The following MAP3K1 variants were observed in gnomAD, a reference collection of about 807,000 sequenced individuals.
MAP3K1 encodes mitogen-activated protein kinase kinase kinase 1, also known as MAP/ERK kinase kinase 1.
Under a neutral mutation model 144.2 loss-of-function variants are expected in MAP3K1, and 36 were observed. That is an observed-to-expected ratio of 0.25 (90% CI 0.19 to 0.33). The LOEUF (loss-of-function observed/expected upper bound fraction) is 0.33, where lower values mean the gene tolerates loss of function less well. Ranked by LOEUF, MAP3K1 falls within the 10% of genes least tolerant of loss-of-function variation. The probability of loss-of-function intolerance (pLI) is 1.00; values close to 1 mark genes in which losing one functional copy is unlikely to be tolerated. For synonymous variants in MAP3K1, 718 were observed against 688.7 expected (o/e 1.04, Z -0.67); for missense variants, 1,650 against 1,881.9 (o/e 0.88, Z 2.28).
chr5:56,859,359 C>T (rs1747433871), intron 2 of MAP3K1, among the ~76,000 whole-genome samples: 1 of 151,988 alleles, frequency 6.6e-6, no homozygotes, highest in African/African-American at 2.4e-5. Context: ...GTTATGAGTG[C>T]TTATTTTTCA....
chr5:56,828,026 A>G lies in MAP3K1; in HGVS notation c.482+11971A>G, dbSNP rs189524308. 4.1e-4 allele frequency among the ~76,000 whole-genome samples: 63 copies of G among 151,990 alleles called. No individual in the cohort carries two copies. The East Asian group carries it at 0.01, about 25-fold the overall frequency. ...TCCAGAAAAGTATTCAGTTAATACT[A>G]ACTGTAGATAATACTCTTGCAAGTA... On this transcript the variant is annotated intron_variant, in intron 1 of 19. Coordinates refer to ENST00000399503, the MANE Select transcript of MAP3K1 (RefSeq NM_005921.2).
chr5:56,880,639 C>T, intron 11 of MAP3K1, 72 bp from the exon 12 acceptor site: 2 of 989,018 alleles, frequency 2.0e-6, no homozygotes, highest in Admixed American at 1.7e-5. Flanking sequence ...CAAGGCATTA[C>T]ATTACTCCTC....
At chr5:56,892,832 T>A (rs1182989790) in intron 19 of MAP3K1, among the ~76,000 whole-genome samples, 1 of 152,156 alleles carries the variant, frequency 6.6e-6, no homozygotes, top group Non-Finnish European at 1.5e-5. Flanking sequence ...ATACTTTTTT[T>A]TATATATGAC....
intron 19 of MAP3K1, among the ~76,000 whole-genome samples, chr5:56,892,975 T>A (rs36159054): frequency 0.02 from 555 of 28,186 alleles, no homozygotes; most frequent in African/African-American, 0.035. Context: ...TTCTTTTTTT[T>A]TAAAAAAAAA....
intron 14 of MAP3K1, among the ~76,000 whole-genome samples, chr5:56,883,194 G>A (rs775871400): frequency 1.4e-4 from 22 of 152,170 alleles, no homozygotes; most frequent in Admixed American, 8.5e-4. Context: ...CTGTCTCACA[G>A]AGAGCTTCCT....
intron 3 of MAP3K1, 132 bp downstream of exon 3, chr5:56,860,047 G>C: frequency 2.4e-6 from 2 of 828,462 alleles, no homozygotes; most frequent in Admixed American, 2.2e-5. Context: ...TGAGGATGGG[G>C]GGGGTGGTTC....
At chr5:56,879,809 TC>T (rs1224620961) in intron 11 of MAP3K1, among the ~76,000 whole-genome samples, 1 of 152,202 alleles carries the variant, frequency 6.6e-6, no homozygotes, top group Non-Finnish European at 1.5e-5. Flanking sequence ...ATTTGGTAGT[TC>T]CTATTTCTTT....
At chr5:56,825,793 T>C (rs980207347) in intron 1 of MAP3K1, among the ~76,000 whole-genome samples, 98 of 152,168 alleles carry the variant, frequency 6.4e-4, no homozygotes, top group African/African-American at 2.1e-3. Context: ...GTCAGGCCAC[T>C]GTCAACCCAC....
intron 1 of MAP3K1, among the ~76,000 whole-genome samples, chr5:56,837,107 C>G (rs994769737): frequency 2.0e-5 from 3 of 150,952 alleles, no homozygotes; most frequent in African/African-American, 7.3e-5. Context: ...CCAGCACTGC[C>G]CCCCAGACAT....
At chr5:56,890,653 A>T (rs182639174) in intron 19 of MAP3K1, among the ~76,000 whole-genome samples, 117 of 152,290 alleles carry the variant, frequency 7.7e-4, no homozygotes, top group Non-Finnish European at 2.6e-4. Flanking sequence ...AAAGTAATTA[A>T]ATTATCCACA....
intron 2 of MAP3K1, among the ~76,000 whole-genome samples, chr5:56,858,206 G>A (rs1275676560): frequency 1.3e-5 from 2 of 152,190 alleles, no homozygotes; most frequent in African/African-American, 4.8e-5. Context: ...TGAATGTGCT[G>A]CTTTCTGAGC....
chr5:56,815,953 C>A lies in MAP3K1; in HGVS notation c.380C>A (p.Ser127Ter). The A allele has an allele frequency of 1.6e-6, 2 of 1,258,350 alleles. No individual in the cohort carries two copies. The highest frequency in any genetic ancestry group is 5.8e-5 in the South Asian group (2 of 34,526). The allele number at this position is 1,258,350 out of a possible 1,614,324, so 77.9% of individuals were successfully genotyped here. A position where few individuals can be genotyped will look rare whatever the true frequency, so the allele number is the denominator to read the frequency against. Residue 127 changes from serine (S) to a stop codon, truncating the protein, a stop_gained, in exon 1 of 20, where the codon TCG becomes TAG. Coordinates refer to ENST00000399503, the MANE Select transcript of MAP3K1 (RefSeq NM_005921.2). LOFTEE classifies it high-confidence loss of function. ...CGCGGCGGCGCCCACCTTACCGAGT[C>A]GGTGGCGGCGCCGGACAGCGGCGCC... ...ASRGGAHLTE[S>*]VAAPDSGASS... is the part of the protein sequence containing the mutation.
intron 1 of MAP3K1, among the ~76,000 whole-genome samples, chr5:56,822,511 T>G (rs1746183368): frequency 6.6e-6 from 1 of 152,238 alleles, no homozygotes; most frequent in African/African-American, 2.4e-5. Context: ...TTATTTGCGT[T>G]AATTGGTAAG....
chr5:56,872,063 C>G, intron 7 of MAP3K1, 32 bp downstream of exon 7: 1 of 1,613,452 alleles, frequency 6.2e-7, no homozygotes, highest in Non-Finnish European at 8.5e-7. Context: ...TATGCTTACT[C>G]AACACAGTTG....
At chr5:56,816,598 C>T (rs1011409450) in intron 1 of MAP3K1, among the ~76,000 whole-genome samples, 9 of 152,090 alleles carry the variant, frequency 5.9e-5, no homozygotes, top group African/African-American at 2.2e-4. Context: ...AGCCCCTCGG[C>T]CCGCCCGGGA....
chr5:56,815,658 G>A lies in MAP3K1; in HGVS notation c.85G>A (p.Gly29Arg), dbSNP rs2111725468. 7 of 1,334,608 alleles carry A rather than the reference G, an allele frequency of 5.2e-6. No homozygotes were observed. Among genetic ancestry groups the A allele is most frequent in the South Asian group, 1.9e-5 (1 of 51,642 alleles). 82.7% of individuals were successfully genotyped at this position (1,334,608 alleles called of 1,614,324 possible). Reference protein sequence around the residue: ...ATSPEAGGGGGALKASSAPAA... With the variant: ...ATSPEAGGGGRALKASSAPAA... ...GAGCCCTGAGGCAGGCGGCGGCGGA[G>A]GAGCCCTCAAGGCGAGCAGCGCGCC... is the stretch of plus-strand genomic sequence containing the variant. Residue 29 changes from glycine (G) to arginine (R), a missense_variant, in exon 1 of 20, where the codon GGA becomes AGA. Gly to Arg is a moderately radical substitution (Grantham distance 125). This residue lies in a region of MAP3K1 where 360 missense variants were observed against 274.7 expected (regional missense o/e 1.31). Coordinates refer to ENST00000399503, the MANE Select transcript of MAP3K1 (RefSeq NM_005921.2).
Position 56,824,941 on chromosome 5 carries a change from A to G in MAP3K1, c.482+8886A>G, listed in dbSNP as rs527923533. Among the ~76,000 whole-genome samples, 175 of 140,884 alleles carry G rather than the reference A, an allele frequency of 1.2e-3. 1 individual carries two copies. The South Asian group carries it at 0.016, about 12-fold the overall frequency. 92.4% of individuals were successfully genotyped at this position (140,884 alleles called of 152,430 possible). A position where few individuals can be genotyped will look rare whatever the true frequency, so the allele number is the denominator to read the frequency against. On this transcript the variant is annotated intron_variant, in intron 1 of 19. Transcript: ENST00000399503. ...GATCTTTTCCGGTTTTTTAAAAAAA[A>G]TTTTTATTTTTTTTTTTGAGACGGA...
chr5:56,886,645 C>T (rs76944203), intron 17 of MAP3K1, among the ~76,000 whole-genome samples: 153 of 152,274 alleles, frequency 1.0e-3, no homozygotes, highest in Non-Finnish European at 1.7e-3. Flanking sequence ...CCTCATGATA[C>T]GCTGACTCCC....
chr5:56,864,883 G>T lies in MAP3K1; in HGVS notation c.984G>T (p.Leu328=). 2.0e-5 allele frequency: 32 copies of T among 1,614,040 alleles called. No individual in the cohort carries two copies. Among genetic ancestry groups the T allele is most frequent in the Non-Finnish European group, 2.7e-5 (32 of 1,179,996 alleles). ...AGCAGATAGGGCCTAACTCTTTCCT[G>T]ATTGGAGGAGACAGCCCAGACAATA... ...LLQQIGPNSF[L]IGGDSPDNKY... Residue 328 remains leucine (L), a synonymous_variant, in exon 4 of 20, where the codon CTG becomes CTT. Coordinates refer to ENST00000399503, the MANE Select transcript of MAP3K1 (RefSeq NM_005921.2).
Sources: gnomAD v4.1 joint callset for allele counts (sites outside exome capture counted in the v4.1 genomes callset) on GRCh38, gnomAD v4.1.1 for gene constraint, gnomAD v4.1.1 regional missense constraint, MANE v1.5 for transcripts, NCBI Gene and HGNC (gene_info 2026-07-23, HGNC 2026-07-21) for gene names.